TRIM5: variants seen among roughly 807,000 people sequenced by gnomAD.
TRIM5 encodes tripartite motif containing 5.
Under a neutral mutation model 35.6 loss-of-function variants are expected in TRIM5, and 31 were observed. That is an observed-to-expected ratio of 0.87 (90% confidence interval 0.65 to 1.18). TRIM5 has a LOEUF of 1.18. Among genes scored for constraint, TRIM5 ranks in the 50% most tolerant of loss-of-function variants. The pLI is 0.00. For synonymous variants in TRIM5, 243 were observed against 215.6 expected, an observed-to-expected ratio of 1.13 and a Z score of -1.11; for missense variants, 609 against 591.6, an observed-to-expected ratio of 1.03 and a Z score of -0.31.
the TRIM5 span, among the ~76,000 whole-genome samples, chr11:5,592,509 A>G: frequency 1.3e-5 from 2 of 152,200 alleles, no homozygotes; most frequent in African/African-American, 4.8e-5. Context: ...CATCATCTTA[A>G]ATACCATCTT....
chr11:5,648,649 G>C, the TRIM5 span, among the ~76,000 whole-genome samples: 1 of 152,294 alleles, frequency 6.6e-6, no homozygotes. Context: ...ATAAGACCCA[G>C]AGCAATCATT....
chr11:5,622,379 A>T, the TRIM5 span, among the ~76,000 whole-genome samples: 3 of 150,912 alleles, frequency 2.0e-5, no homozygotes, highest in East Asian at 5.9e-4. Context: ...CGGCAGGCGG[A>T]GCTTGTAGTG....
the TRIM5 span, among the ~76,000 whole-genome samples, chr11:5,656,355 CT>C: frequency 0.25 from 35,154 of 142,770 alleles, 4,946 homozygotes; most frequent in South Asian, 0.41. Flanking sequence ...TGAACAGACA[CT>C]TTTTTTTTTT....
At chr11:5,651,787 G>T in the TRIM5 span, among the ~76,000 whole-genome samples, 1 of 152,074 alleles carries the variant, frequency 6.6e-6, no homozygotes, top group Admixed American at 6.6e-5. Flanking sequence ...TCTTTTCTCT[G>T]CAACCTCACC....
chr11:5,657,524 ATATATATTATT>A, the TRIM5 span, among the ~76,000 whole-genome samples: 1 of 134,628 alleles, frequency 7.4e-6, no homozygotes, highest in African/African-American at 2.8e-5. Flanking sequence ...ATAATGCATT[ATATATATTATT>A]TATATATTAT....
the TRIM5 span, among the ~76,000 whole-genome samples, chr11:5,639,995 A>G: frequency 4.1e-4 from 62 of 152,316 alleles, no homozygotes; most frequent in African/African-American, 9.4e-4. Flanking sequence ...TTCAGATTAT[A>G]CTATTTTAAT....
rs1851031514 is a variant in TRIM5, at chr11:5,665,155, A to C, written c.1136T>G (p.Phe379Cys). 1.2e-6 allele frequency: 2 copies of C among 1,614,080 alleles called. No homozygotes were observed. Among genetic ancestry groups the C allele is most frequent in the Non-Finnish European group, 1.7e-6 (2 of 1,180,006 alleles). ...TAWILGVCAG[F>C]QPDAMCNIEK... is the part of the protein sequence containing the mutation. Reference sequence around the variant, plus strand: ...AATATTACACATTGCATCAGGTTGGAAGCCAGCACATACCCCCAGGATCCA... The same window carrying C: ...AATATTACACATTGCATCAGGTTGGCAGCCAGCACATACCCCCAGGATCCA... The change falls in exon 8 of 8, where the codon TTC becomes TGC. Residue 379 changes from phenylalanine to cysteine, a missense_variant. Transcript: ENST00000380034.
chr11:5,645,384 C>T, the TRIM5 span, among the ~76,000 whole-genome samples: 4 of 129,340 alleles, frequency 3.1e-5, no homozygotes, highest in Non-Finnish European at 6.5e-5. Flanking sequence ...AAGAGCAAAA[C>T]TCTGTCTCAA....
chr11:5,600,495 C>T, the TRIM5 span, among the ~76,000 whole-genome samples: 67 of 152,292 alleles, frequency 4.4e-4, no homozygotes, highest in African/African-American at 1.6e-3. Flanking sequence ...CTAGATCCCC[C>T]AGCAGGGCCG....
rs376694702 is a variant in TRIM5, at chr11:5,665,564, T to A, written c.895+92A>T. 7 of 1,581,922 alleles carry A rather than the reference T, an allele frequency of 4.4e-6. No homozygotes were observed. In the African/African-American group the frequency reaches 9.6e-5, roughly 22 times the overall value. On this transcript the variant is annotated intron_variant, in intron 7 of 7. Coordinates refer to ENST00000380034, the MANE Select transcript of TRIM5 (RefSeq NM_033034.3). ...AAGGAGAATCATAAATCTTAAAACA[T>A]GAGCCTAATAGAGAACATAAAATTC...
the TRIM5 span, chr11:5,634,978 G>A: frequency 1.7e-5 from 18 of 1,046,632 alleles, no homozygotes; most frequent in East Asian, 1.1e-4. Context: ...CCGCCTTGTC[G>A]TCCATTCTAG....
At chr11:5,657,452 A>AGT in the TRIM5 span, among the ~76,000 whole-genome samples, 2 of 144,408 alleles carry the variant, frequency 1.4e-5, no homozygotes, top group East Asian at 3.9e-4. Context: ...CAGAACTTAA[A>AGT]GTGTATATAT....
At chr11:5,609,129 A>G in the TRIM5 span, among the ~76,000 whole-genome samples, 1 of 152,068 alleles carries the variant, frequency 6.6e-6, no homozygotes, top group African/African-American at 2.4e-5. Flanking sequence ...CGGGAATCAA[A>G]CATGTTCTCT....
Position 5,678,249 on chromosome 11 carries a change from T to G in TRIM5, c.699A>C (p.Ser233=), listed in dbSNP as rs750025155. 5.0e-6 allele frequency: 8 copies of G among 1,613,874 alleles called. No individual in the cohort carries two copies. Among genetic ancestry groups the G allele is most frequent in the Non-Finnish European group, 5.9e-6 (7 of 1,179,852 alleles). Reference sequence around the variant, plus strand: ...ACCCCTGCAGCCGATGCTCCAGATCTGAGATGAGCTCTCTCAGGGACTGGG... The same window carrying G: ...ACCCCTGCAGCCGATGCTCCAGATCGGAGATGAGCTCTCTCAGGGACTGGG... ...QQTQSLRELI[S]DLEHRLQGSV... Residue 233 remains serine (S), a synonymous_variant, in exon 4 of 8, where the codon TCA becomes TCC. Coordinates refer to ENST00000380034, the MANE Select transcript of TRIM5 (RefSeq NM_033034.3).
At chr11:5,639,701 AAAAAAAG>A in the TRIM5 span, among the ~76,000 whole-genome samples, 30 of 144,470 alleles carry the variant, frequency 2.1e-4, no homozygotes, top group African/African-American at 7.6e-4. Context: ...AAAAAAAAAA[AAAAAAAG>A]ATTGGAAGAG....
At chr11:5,642,387 A>C in the TRIM5 span, 1 of 1,609,774 alleles carries the variant, frequency 6.2e-7, no homozygotes, top group Non-Finnish European at 8.5e-7. Flanking sequence ...GGGGGTCAAA[A>C]AATTTTTTTC....
chr11:5,670,689 A>C (rs539189494), intron 4 of TRIM5, among the ~76,000 whole-genome samples: 1 of 152,356 alleles, frequency 6.6e-6, no homozygotes, highest in Non-Finnish European at 1.5e-5. Flanking sequence ...ACCCAAGCAT[A>C]GATTCATCAG....
intron 1 of TRIM5, among the ~76,000 whole-genome samples, chr11:5,681,642 AC>A (rs1165545778): frequency 6.6e-6 from 1 of 151,516 alleles, no homozygotes; most frequent in Admixed American, 6.6e-5. Context: ...GTTCCTTCAG[AC>A]CCCCATAAAA....
At chr11:5,653,210 C>T in the TRIM5 span, among the ~76,000 whole-genome samples, 1 of 152,176 alleles carries the variant, frequency 6.6e-6, no homozygotes, top group Non-Finnish European at 1.5e-5. Flanking sequence ...CTTCATCTCC[C>T]TGCGTAACTG....
Sources: gnomAD v4.1 joint callset for allele counts (sites outside exome capture counted in the v4.1 genomes callset) on GRCh38, gnomAD v4.1.1 for gene constraint, MANE v1.5 for transcripts, NCBI Gene and HGNC (gene_info 2026-07-23, HGNC 2026-07-21) for gene names.